Variants in BMPR1A observed in about 807,000 individuals in gnomAD.
BMPR1A encodes the protein bone morphogenetic protein receptor type-1A.
Under a neutral mutation model 66.0 loss-of-function variants are expected in BMPR1A, and 7 were observed. The observed-to-expected ratio is 0.11, with a 90% CI of 0.06 to 0.20. BMPR1A has a LOEUF of 0.20. Among genes scored for constraint, BMPR1A ranks in the 10% least tolerant of loss-of-function variants. The pLI is 1.00. For synonymous variants in BMPR1A, 200 were observed against 229.7 expected, an observed-to-expected ratio of 0.87 and a Z score of 1.17; for missense variants, 408 against 669.1, an observed-to-expected ratio of 0.61 and a Z score of 4.31.
intron 1 of BMPR1A, among the ~76,000 whole-genome samples, chr10:86,818,346 G>C (rs1842067543): frequency 6.6e-6 from 1 of 152,158 alleles, no homozygotes; most frequent in Non-Finnish European, 1.5e-5. Flanking sequence ...CAGATGAAGA[G>C]GTCTTCAGAC....
intron 1 of BMPR1A, among the ~76,000 whole-genome samples, chr10:86,768,345 A>G (rs1841200791): frequency 6.6e-6 from 1 of 152,264 alleles, no homozygotes; most frequent in Non-Finnish European, 1.5e-5. Flanking sequence ...ATTTGTTAAA[A>G]GAAGTGGATT....
At chr10:86,780,016 C>T (rs1290089657) in intron 1 of BMPR1A, among the ~76,000 whole-genome samples, 1 of 152,166 alleles carries the variant, frequency 6.6e-6, no homozygotes, top group African/African-American at 2.4e-5. Context: ...AGGTATCCTC[C>T]CACCTTGGCC....
At chr10:86,913,695 A>C (rs1843523708) in intron 8 of BMPR1A, among the ~76,000 whole-genome samples, 1 of 152,312 alleles carries the variant, frequency 6.6e-6, no homozygotes, top group African/African-American at 2.4e-5. Flanking sequence ...AAAACCATGA[A>C]ATATTTAGAA....
At chr10:86,919,506 T>G in intron 10 of BMPR1A, 37 bp downstream of exon 10, 1 of 1,604,994 alleles carries the variant, frequency 6.2e-7, no homozygotes, top group Non-Finnish European at 8.5e-7. Context: ...TGAAATTATT[T>G]TAATTTCCAA....
intron 1 of BMPR1A, among the ~76,000 whole-genome samples, chr10:86,836,221 G>C (rs764085114): frequency 6.6e-6 from 1 of 152,136 alleles, no homozygotes; most frequent in Non-Finnish European, 1.5e-5. Flanking sequence ...GGAACATTTT[G>C]CTCATGTACA....
chr10:86,894,746 C>T (rs1390727612), intron 5 of BMPR1A, among the ~76,000 whole-genome samples: 1 of 152,180 alleles, frequency 6.6e-6, no homozygotes, highest in African/African-American at 2.4e-5. Context: ...AATAGTTTAG[C>T]ACAATTAGCA....
At chr10:86,780,002 C>T (rs549772123) in intron 1 of BMPR1A, among the ~76,000 whole-genome samples, 2 of 152,266 alleles carry the variant, frequency 1.3e-5, no homozygotes, top group East Asian at 3.9e-4. Context: ...AACTCCTGGC[C>T]TCAAGGTATC....
intron 4 of BMPR1A, among the ~76,000 whole-genome samples, chr10:86,891,765 A>G (rs903617521): frequency 2.6e-5 from 4 of 152,234 alleles, no homozygotes; most frequent in Non-Finnish European, 5.9e-5. Context: ...GTAAAAAGAG[A>G]CAAAGTTATT....
chr10:86,903,330 A>C (rs1399805143), intron 7 of BMPR1A, among the ~76,000 whole-genome samples: 1 of 152,168 alleles, frequency 6.6e-6, no homozygotes, highest in Non-Finnish European at 1.5e-5. Flanking sequence ...AAATCAAGAC[A>C]TGGCAGATTT....
At chr10:86,788,115 A>G (rs1451240576) in intron 1 of BMPR1A, among the ~76,000 whole-genome samples, 4 of 152,226 alleles carry the variant, frequency 2.6e-5, no homozygotes, top group Non-Finnish European at 4.4e-5. Flanking sequence ...GGCATACTAT[A>G]TTCCTAATCT....
chr10:86,793,539 T>G (rs1287548017), intron 1 of BMPR1A, among the ~76,000 whole-genome samples: 1 of 151,962 alleles, frequency 6.6e-6, no homozygotes, highest in Admixed American at 6.6e-5. Flanking sequence ...AATTTTTGTA[T>G]TTTTAGTAGA....
chr10:86,809,462 G>T (rs1311551115), intron 1 of BMPR1A, among the ~76,000 whole-genome samples: 2 of 151,708 alleles, frequency 1.3e-5, no homozygotes, highest in Non-Finnish European at 2.9e-5. Flanking sequence ...GCTAATTTTT[G>T]TATTTTTATT....
At chr10:86,815,880 G>C (rs1453764631) in intron 1 of BMPR1A, among the ~76,000 whole-genome samples, 1 of 152,194 alleles carries the variant, frequency 6.6e-6, no homozygotes, top group East Asian at 1.9e-4. Context: ...TTTGAGGGAG[G>C]TTGTGTTACT....
intron 2 of BMPR1A, among the ~76,000 whole-genome samples, chr10:86,846,594 G>T (rs557491072): frequency 1.2e-3 from 189 of 152,074 alleles, no homozygotes; most frequent in Admixed American, 2.7e-3. Flanking sequence ...CTAGCTACTC[G>T]GGAGGCTGAG....
intron 2 of BMPR1A, among the ~76,000 whole-genome samples, 198 bp downstream of exon 2, chr10:86,839,177 A>C (rs1842391330): frequency 6.6e-6 from 1 of 152,186 alleles, no homozygotes; most frequent in Admixed American, 6.5e-5. Context: ...TTCCTCATAA[A>C]TGTTGAACCT....
At position 86,801,048 on chromosome 10, in the gene BMPR1A, T is replaced by C. The variant is rs892674704; in HGVS notation, c.-267-37817T>C. Among the ~76,000 whole-genome samples the C allele has an allele frequency of 2.0e-5, 3 of 152,248 alleles. No homozygotes were observed. In the South Asian group the frequency reaches 6.2e-4, roughly 32 times the overall value. On this transcript the variant is annotated intron_variant, in intron 1 of 12. Coordinates refer to ENST00000372037, the MANE Select transcript of BMPR1A (RefSeq NM_004329.3). ...AGCTTATCTGGAAATATTGTTTGCA[T>C]AGATGTTAAAAATATGGGCAGGACA...
At position 86,925,927 on chromosome 10, in the gene BMPR1A, C is replaced by G. The variant is rs902604484; in HGVS notation, c.*2208C>G. On this transcript the variant is annotated 3_prime_UTR_variant, in exon 13 of 13. Transcript: ENST00000372037. ...TATTTTTAGTAGAGACGGGGTTTCACCTTGTTAGCCAGGATGGTCTCAATC... is the reference window on the plus strand; with the variant it reads ...TATTTTTAGTAGAGACGGGGTTTCAGCTTGTTAGCCAGGATGGTCTCAATC... 1 of 162,514 alleles carries G rather than the reference C, an allele frequency of 6.2e-6. No individual in the cohort carries two copies. The highest frequency in any genetic ancestry group is 6.5e-5 in the Admixed American group (1 of 15,464). The allele number at this position is 162,514 out of a possible 1,614,324, so 10.1% of individuals were successfully genotyped here.
At chr10:86,766,646 CGCTCTTTCACCCAG>C (rs1564677381) in intron 1 of BMPR1A, among the ~76,000 whole-genome samples, 2 of 133,694 alleles carry the variant, frequency 1.5e-5, no homozygotes, top group Non-Finnish European at 3.1e-5. Flanking sequence ...GACGGAGTCT[CGCTCTTTCACCCAG>C]GCGGGAGTGC....
intron 1 of BMPR1A, among the ~76,000 whole-genome samples, chr10:86,834,743 A>C (rs1263225389): frequency 6.6e-6 from 1 of 152,210 alleles, no homozygotes; most frequent in Non-Finnish European, 1.5e-5. Flanking sequence ...CTAAAACCAC[A>C]TTATGTTTTT....
Sources: gnomAD v4.1 joint callset for allele counts (sites outside exome capture counted in the v4.1 genomes callset) on GRCh38, gnomAD v4.1.1 for gene constraint, MANE v1.5 for transcripts, NCBI Gene and HGNC (gene_info 2026-07-23, HGNC 2026-07-21) for gene names.